OPCML: variants seen among roughly 807,000 people sequenced by gnomAD.
OPCML encodes the protein opioid-binding protein/cell adhesion molecule.
Under a neutral mutation model 37.8 loss-of-function variants are expected in OPCML, and 13 were observed. The observed-to-expected ratio is 0.34, with a 90% confidence interval of 0.22 to 0.55. The LOEUF (loss-of-function observed/expected upper bound fraction) is 0.55. Ranked by LOEUF, OPCML falls within the 20% of genes least tolerant of loss-of-function variation. The pLI is 0.91. For missense variants in OPCML, 341 were observed against 435.6 expected (o/e 0.78, Z 1.93); for synonymous variants, 176 against 168.8 (o/e 1.04, Z -0.33).
rs151247554 is a variant in OPCML, at chr11:133,092,850, AAG to A, written c.62-149842_62-149841del. On this transcript the variant is annotated intron_variant, in intron 1 of 7. Coordinates refer to ENST00000524381, the MANE Select transcript of OPCML (RefSeq NM_001012393.5). ...GAAAGAGAAAGGAGAGAGACAGAGA[AAG>A]AGAGAGAGAGAGAGAGGATTTCTGG... Among the ~76,000 whole-genome samples the A allele has an allele frequency of 3.7e-4, 56 of 149,690 alleles. 1 individual carries two copies. Among genetic ancestry groups the A allele is most frequent in the Admixed American group, 6.7e-4 (10 of 14,994 alleles).
chr11:133,424,802 CTT>C (rs1945967023), intron 1 of OPCML, among the ~76,000 whole-genome samples: 1 of 152,182 alleles, frequency 6.6e-6, no homozygotes, highest in Non-Finnish European at 1.5e-5. Flanking sequence ...CTTAATTAAA[CTT>C]TGCAAAACAA....
chr11:133,185,088 G>A (rs1237165844), intron 1 of OPCML, among the ~76,000 whole-genome samples: 1 of 152,106 alleles, frequency 6.6e-6, no homozygotes, highest in African/African-American at 2.4e-5. Context: ...CAAAAGTGTA[G>A]GGCACAGAGA....
chr11:133,282,024 C>A (rs11223429), intron 1 of OPCML, among the ~76,000 whole-genome samples: 91,769 of 150,696 alleles, frequency 0.61, 29,315 homozygotes, highest in East Asian at 0.9. Flanking sequence ...ACAACAACAA[C>A]AAAAAAAAAC....
chr11:133,465,575 A>G (rs1389672960), intron 1 of OPCML, among the ~76,000 whole-genome samples: 1 of 152,192 alleles, frequency 6.6e-6, no homozygotes, highest in East Asian at 1.9e-4. Context: ...TGTGGAGTTC[A>G]CATTGTCCTA....
chr11:132,935,340 T>G (rs1409393690), intron 2 of OPCML, among the ~76,000 whole-genome samples: 1 of 152,176 alleles, frequency 6.6e-6, no homozygotes, highest in Non-Finnish European at 1.5e-5. Flanking sequence ...TTTTTCTCTC[T>G]TTTGCGTAAT....
intron 2 of OPCML, among the ~76,000 whole-genome samples, chr11:132,660,567 G>A (rs1265577716): frequency 6.6e-6 from 1 of 152,136 alleles, no homozygotes; most frequent in African/African-American, 2.4e-5. Context: ...GAAGTGCCTT[G>A]TTTAACCCAA....
intron 1 of OPCML, among the ~76,000 whole-genome samples, chr11:133,504,730 G>A (rs1164843296): frequency 5.9e-5 from 9 of 152,336 alleles, no homozygotes; most frequent in South Asian, 4.1e-4. Context: ...ATGAAATGAC[G>A]AAGAGAGGAA....
chr11:132,698,899 A>G (rs1943702716), intron 2 of OPCML, among the ~76,000 whole-genome samples: 1 of 152,142 alleles, frequency 6.6e-6, no homozygotes, highest in African/African-American at 2.4e-5. Flanking sequence ...TCTCTGAAAA[A>G]AAATGCCATT....
At chr11:133,413,765 A>C (rs1384145632) in intron 1 of OPCML, among the ~76,000 whole-genome samples, 2 of 152,194 alleles carry the variant, frequency 1.3e-5, no homozygotes, top group East Asian at 3.9e-4. Context: ...TGCTTAATTA[A>C]ACATTTTAAT....
chr11:133,221,860 C>T (rs1394072933), intron 1 of OPCML, among the ~76,000 whole-genome samples: 1 of 152,140 alleles, frequency 6.6e-6, no homozygotes, highest in Non-Finnish European at 1.5e-5. Context: ...TCAGCCATTT[C>T]AACAATTCTC....
chr11:132,793,011 G>T (rs1350773694), intron 2 of OPCML, among the ~76,000 whole-genome samples: 1 of 152,168 alleles, frequency 6.6e-6, no homozygotes, highest in Non-Finnish European at 1.5e-5. Context: ...TCAGATCAGG[G>T]CGATACGGGC....
chr11:132,602,826 C>A (rs528815159), intron 3 of OPCML, among the ~76,000 whole-genome samples: 11 of 152,314 alleles, frequency 7.2e-5, no homozygotes, highest in Admixed American at 1.3e-4. Flanking sequence ...TCGTGGGAAC[C>A]ACATGGGGCC....
rs370777411 is a variant in OPCML at position 133,231,063 on chromosome 11, CA to C, written c.62-288054del. 1.6e-4 allele frequency among the ~76,000 whole-genome samples: 24 copies of C among 152,200 alleles called. No homozygotes were observed. In the South Asian group the frequency reaches 5.0e-3, roughly 32 times the overall value. On this transcript the variant is annotated intron_variant, in intron 1 of 7. Transcript: ENST00000524381. ...TGTGTCAAATTCCCCGCTAGCAGCA[CA>C]AGAGAATATCAAGGAAGGAGGCAGA...
At chr11:133,332,158 A>T (rs1943633824) in intron 1 of OPCML, among the ~76,000 whole-genome samples, 1 of 152,018 alleles carries the variant, frequency 6.6e-6, no homozygotes, top group African/African-American at 2.4e-5. Context: ...CTAGTTAGCC[A>T]TATTTCTAGT....
intron 2 of OPCML, among the ~76,000 whole-genome samples, chr11:132,816,015 A>G (rs927389956): frequency 3.3e-5 from 5 of 152,230 alleles, no homozygotes; most frequent in African/African-American, 9.6e-5. Flanking sequence ...ATAAAATAGG[A>G]CATGAAATCA....
chr11:133,476,573 A>C (rs1947245033), intron 1 of OPCML, among the ~76,000 whole-genome samples: 1 of 152,202 alleles, frequency 6.6e-6, no homozygotes, highest in Non-Finnish European at 1.5e-5. Flanking sequence ...TTCATTCAAC[A>C]GAAATACATT....
chr11:132,896,246 C>A (rs1444881134), intron 2 of OPCML, among the ~76,000 whole-genome samples: 1 of 152,144 alleles, frequency 6.6e-6, no homozygotes, highest in African/African-American at 2.4e-5. Context: ...AAACCCTACT[C>A]GGACACACCA....
chr11:132,453,353 C>G (rs2096073350), intron 4 of OPCML, among the ~76,000 whole-genome samples: 1 of 152,140 alleles, frequency 6.6e-6, no homozygotes, highest in African/African-American at 2.4e-5. Context: ...AAACCTGCAC[C>G]AAAATGTAAA....
At chr11:133,326,855 G>A (rs1270491840) in intron 1 of OPCML, among the ~76,000 whole-genome samples, 1 of 144,746 alleles carries the variant, frequency 6.9e-6, no homozygotes, top group Non-Finnish European at 1.5e-5. Context: ...TGTATATTGT[G>A]TAGTGACGTG....
Sources: gnomAD v4.1 joint callset for allele counts (sites outside exome capture counted in the v4.1 genomes callset) on GRCh38, gnomAD v4.1.1 for gene constraint, MANE v1.5 for transcripts, NCBI Gene and HGNC (gene_info 2026-07-23, HGNC 2026-07-21) for gene names.